The following NWD2 variants were observed in gnomAD, a reference collection of about 807,000 sequenced individuals.
NWD2 encodes the protein NACHT and WD repeat domain-containing protein 2.
Under a neutral mutation model 132.7 loss-of-function variants are expected in NWD2, and 37 were observed. The observed-to-expected ratio is 0.28, with a 90% CI of 0.21 to 0.37. The LOEUF is 0.37. NWD2 is among the 10% of genes least tolerant of loss of function. The pLI is 1.00. For missense variants in NWD2, 1,592 were observed against 2,122.4 expected (o/e 0.75, Z 4.91); for synonymous variants, 705 against 803.0 (o/e 0.88, Z 2.06).
intron 1 of NWD2, among the ~76,000 whole-genome samples, chr4:37,272,826 A>G (rs1045453236): frequency 6.6e-6 from 1 of 151,458 alleles, no homozygotes; most frequent in Non-Finnish European, 1.5e-5. Flanking sequence ...TCTGTTTCTT[A>G]CAGCAAGAAC....
chr4:37,348,657 TATATATATATATATATATACAC>T (rs1245680386), intron 2 of NWD2, among the ~76,000 whole-genome samples: 3 of 73,864 alleles, frequency 4.1e-5, no homozygotes, highest in Non-Finnish European at 8.5e-5. Context: ...TATATATATA[TATATATATATATATATATACAC>T]ACACACACAC....
At chr4:37,434,153 G>A in intron 5 of NWD2, 133 bp downstream of exon 5, 1 of 549,830 alleles carries the variant, frequency 1.8e-6, no homozygotes, top group Non-Finnish European at 3.1e-6. Flanking sequence ...ATGTTCCCAT[G>A]TTCTGGAGAA....
At chr4:37,258,439 G>A (rs528230824) in intron 1 of NWD2, among the ~76,000 whole-genome samples, 193 of 152,354 alleles carry the variant, frequency 1.3e-3, no homozygotes, top group Non-Finnish European at 1.9e-3. Context: ...GAGTGAGTCA[G>A]TGAACGGGGC....
intron 3 of NWD2, among the ~76,000 whole-genome samples, chr4:37,390,971 T>C (rs1720669171): frequency 6.6e-6 from 1 of 152,244 alleles, no homozygotes; most frequent in Admixed American, 6.5e-5. Context: ...AATTTATCTG[T>C]TAAGTGTTCA....
chr4:37,256,714 A>G (rs1717528029), intron 1 of NWD2, among the ~76,000 whole-genome samples: 1 of 152,210 alleles, frequency 6.6e-6, no homozygotes, highest in African/African-American at 2.4e-5. Context: ...CTATTTACAG[A>G]AGCAATTTCA....
In NWD2 at chr4:37,250,414, A is replaced by G. The variant is rs117238897; in HGVS notation, c.151+5196A>G. Among the ~76,000 whole-genome samples the G allele has an allele frequency of 5.9e-5, 9 of 152,242 alleles. No homozygotes were observed. The East Asian group carries it at 1.5e-3, about 26-fold the overall frequency. On this transcript the variant is annotated intron_variant, in intron 1 of 6. Coordinates refer to ENST00000309447, the MANE Select transcript of NWD2 (RefSeq NM_001144990.2). ...CAGGTTTCCTGCATTTAAATCCTCA[A>G]TCCACAATTTAATGCTGTGATTTCT...
intron 3 of NWD2, among the ~76,000 whole-genome samples, chr4:37,392,723 C>G (rs1033184705): frequency 2.6e-5 from 4 of 152,192 alleles, no homozygotes. Context: ...TTGGCCCTTG[C>G]TAATTGCTCC....
intron 1 of NWD2, among the ~76,000 whole-genome samples, chr4:37,268,041 A>T (rs1286703919): frequency 6.6e-6 from 1 of 151,896 alleles, no homozygotes; most frequent in African/African-American, 2.4e-5. Flanking sequence ...CAAAGAAAAT[A>T]GATTTGTATT....
chr4:37,274,388 T>C (rs996133729), intron 1 of NWD2, among the ~76,000 whole-genome samples: 4 of 152,038 alleles, frequency 2.6e-5, no homozygotes, highest in African/African-American at 9.7e-5. Context: ...CAGGAAGAAG[T>C]TGAATCTCTG....
intron 1 of NWD2, among the ~76,000 whole-genome samples, chr4:37,310,769 G>A (rs1226973605): frequency 7.2e-6 from 1 of 139,426 alleles, no homozygotes; most frequent in Non-Finnish European, 1.6e-5. Context: ...ATCTCCTAAT[G>A]CTATCCCTCC....
intron 1 of NWD2, among the ~76,000 whole-genome samples, chr4:37,280,255 G>A (rs1718102260): frequency 6.6e-6 from 1 of 152,168 alleles, no homozygotes; most frequent in Admixed American, 6.5e-5. Context: ...TGAAATAAAT[G>A]TGAGCTATAC....
chr4:37,332,261 G>A (rs1719309969), intron 2 of NWD2, among the ~76,000 whole-genome samples: 1 of 152,132 alleles, frequency 6.6e-6, no homozygotes, highest in Non-Finnish European at 1.5e-5. Context: ...GCAGCTCACG[G>A]CTCTGGGAGA....
chr4:37,282,952 G>C (rs1333152985), intron 1 of NWD2, among the ~76,000 whole-genome samples: 1 of 152,188 alleles, frequency 6.6e-6, no homozygotes, highest in Non-Finnish European at 1.5e-5. Context: ...TATTGGGAAA[G>C]TACAATTATT....
intron 1 of NWD2, among the ~76,000 whole-genome samples, chr4:37,318,082 G>A (rs1776543): frequency 0.075 from 10,720 of 143,342 alleles, 1,204 homozygotes; most frequent in African/African-American, 0.24. Flanking sequence ...CTGTAGTGCA[G>A]TGGCATGATC....
rs1204700548 is a variant in NWD2, at chr4:37,446,920, G to A, written c.4932G>A (p.Thr1644=). ...GFDDGSIGIY[T]VVDRVDAALK... ...ATGATGGGAGTATAGGGATCTACACGGTAGTAGACCGTGTAGATGCTGCAC... is the reference window on the plus strand; with the variant it reads ...ATGATGGGAGTATAGGGATCTACACAGTAGTAGACCGTGTAGATGCTGCAC... Residue 1644 remains threonine (T), a synonymous_variant, in exon 7 of 7, where the codon ACG becomes ACA. Coordinates refer to ENST00000309447, the MANE Select transcript of NWD2 (RefSeq NM_001144990.2). This position sits in a 1 kb window ranked among gnomAD's most constrained non-coding sequence, Gnocchi z 6.7. The A allele has an allele frequency of 1.3e-5, 20 of 1,551,534 alleles. No individual in the cohort carries two copies. Among genetic ancestry groups the A allele is most frequent in the Middle Eastern group, 1.7e-4 (1 of 6,014 alleles).
At chr4:37,407,027 T>C (rs189867974) in intron 3 of NWD2, among the ~76,000 whole-genome samples, 225 of 151,352 alleles carry the variant, frequency 1.5e-3, no homozygotes, top group African/African-American at 5.2e-3. Flanking sequence ...AAGTTGGAGT[T>C]GAACAATGAG....
chr4:37,332,213 G>T (rs1719307726), intron 2 of NWD2, among the ~76,000 whole-genome samples: 1 of 152,098 alleles, frequency 6.6e-6, no homozygotes, highest in African/African-American at 2.4e-5. Flanking sequence ...GATGGCCAAG[G>T]GAGTGCTTGC....
At chr4:37,334,451 T>C (rs1410284081) in intron 2 of NWD2, among the ~76,000 whole-genome samples, 4 of 152,218 alleles carry the variant, frequency 2.6e-5, no homozygotes, top group Non-Finnish European at 5.9e-5. Context: ...TCACTATATC[T>C]ATTTCAATGC....
At chr4:37,270,782 A>AT (rs775241106) in intron 1 of NWD2, among the ~76,000 whole-genome samples, 2 of 151,476 alleles carry the variant, frequency 1.3e-5, no homozygotes, top group Admixed American at 1.3e-4. Flanking sequence ...CAAATTTATC[A>AT]TTTTTTTCAA....
Sources: allele counts gnomAD v4.1 joint callset (sites outside exome capture counted in the v4.1 genomes callset), GRCh38; gene constraint gnomAD v4.1.1; non-coding constraint Gnocchi (gnomAD v3.1); transcripts MANE v1.5; gene names NCBI Gene and HGNC (gene_info 2026-07-23, HGNC 2026-07-21).